ANKS6: variants seen among roughly 807,000 people sequenced by gnomAD.
ANKS6 encodes ankyrin repeat and sterile alpha motif domain containing 6, also known as ankyrin repeat and SAM domain-containing protein 6.
ANKS6 carries 47 observed loss-of-function variants against 77.9 expected under a neutral mutation model. The ratio of observed to expected loss-of-function variants is 0.60; its 90% CI spans 0.48 to 0.77. The LOEUF is 0.77. Ranked by LOEUF, ANKS6 falls within the 30% of genes least tolerant of loss-of-function variation. ANKS6 has a pLI of 0.00. For missense variants in ANKS6, 1,150 were observed against 1,159.1 expected, an observed-to-expected ratio of 0.99 and a Z score of 0.11; for synonymous variants, 488 against 501.7, an observed-to-expected ratio of 0.97 and a Z score of 0.37.
intron 6 of ANKS6, 149 bp downstream of exon 6, chr9:98,780,038 CTT>C (rs745604276): frequency 6.1e-5 from 67 of 1,105,840 alleles, no homozygotes; most frequent in Non-Finnish European, 8.1e-5. Context: ...TCCTGGTCCC[CTT>C]TGTTTCCTAT....
At chr9:98,787,595 CATCA>C (rs1199613956) in intron 2 of ANKS6, among the ~76,000 whole-genome samples, 1 of 152,192 alleles carries the variant, frequency 6.6e-6, no homozygotes, top group East Asian at 1.9e-4. Context: ...ATGAATGTAT[CATCA>C]ATCAAAACAT....
chr9:98,743,834 T>TA (rs1831972782), intron 14 of ANKS6, among the ~76,000 whole-genome samples: 1 of 152,250 alleles, frequency 6.6e-6, no homozygotes, highest in South Asian at 2.1e-4. Flanking sequence ...GCCTGAGACA[T>TA]AAAGGCTCTT....
At chr9:98,774,101 G>A (rs1021487379) in intron 8 of ANKS6, 21 bp from the exon 9 acceptor site, 4 of 1,434,500 alleles carry the variant, frequency 2.8e-6, no homozygotes, top group Non-Finnish European at 3.7e-6. Flanking sequence ...CAGGCTGAGG[G>A]TTAGACAAGC....
In ANKS6 at chr9:98,771,043, G is replaced by A; in HGVS notation, c.1825C>T (p.Pro609Ser). The A allele has an allele frequency of 6.4e-7, 1 of 1,561,384 alleles. No individual in the cohort carries two copies. Among genetic ancestry groups the A allele is most frequent in the South Asian group, 1.2e-5 (1 of 82,388 alleles). Reference sequence around the variant, plus strand: ...CTTGGAAATTTAACAGGCCTGACGGGTGTCTACAAGAATAAGGCAGGTGCA... The same window carrying A: ...CTTGGAAATTTAACAGGCCTGACGGATGTCTACAAGAATAAGGCAGGTGCA... Reference protein sequence around the residue: ...PVGGGGTDTTPVRPVKFPSLP... With the variant: ...PVGGGGTDTTSVRPVKFPSLP... Residue 609 changes from proline (P) to serine (S), a missense_variant, in exon 10 of 15, where the codon CCC becomes TCC. Transcript: ENST00000353234.
At chr9:98,736,712 T>C (rs1831520783) in intron 14 of ANKS6, 89 bp from the exon 15 acceptor site, 2 of 1,467,732 alleles carry the variant, frequency 1.4e-6, no homozygotes, top group Admixed American at 4.0e-5. Flanking sequence ...AATGTTCAAC[T>C]CATACTTCAA....
intron 12 of ANKS6, among the ~76,000 whole-genome samples, chr9:98,755,779 T>G (rs560654129): frequency 1.3e-5 from 2 of 152,224 alleles, no homozygotes; most frequent in African/African-American, 4.8e-5. Flanking sequence ...GACACAGAGA[T>G]AGTCAAGGGA....
intron 5 of ANKS6, among the ~76,000 whole-genome samples, chr9:98,781,208 T>C (rs1158877584): frequency 6.6e-6 from 1 of 152,188 alleles, no homozygotes; most frequent in Non-Finnish European, 1.5e-5. Flanking sequence ...GTTATTTCTT[T>C]TTTCTCTCCA....
chr9:98,781,034 G>A (rs1834221305), intron 5 of ANKS6, among the ~76,000 whole-genome samples: 1 of 151,754 alleles, frequency 6.6e-6, no homozygotes, highest in African/African-American at 2.4e-5. Context: ...CCATGTAGCT[G>A]GGGCTACAGT....
intron 11 of ANKS6, among the ~76,000 whole-genome samples, chr9:98,757,323 T>C (rs1832766927): frequency 6.6e-6 from 1 of 152,242 alleles, no homozygotes; most frequent in Non-Finnish European, 1.5e-5. Context: ...CCACACTGCA[T>C]GGAGCTGTGC....
At chr9:98,762,271 C>T (rs4742740) in intron 11 of ANKS6, among the ~76,000 whole-genome samples, 146,234 of 152,304 alleles carry the variant, frequency 0.96, 70,452 homozygotes, top group African/African-American at 0.99. Context: ...GATATTGACC[C>T]GTATTGTATC....
In ANKS6 at chr9:98,789,855, G is replaced by A. The variant is rs558111102; in HGVS notation, c.862+249C>T. The A allele has an allele frequency of 1.9e-5, 9 of 464,164 alleles. No homozygotes were observed. In the South Asian group the frequency reaches 3.6e-4, roughly 18 times the overall value. 28.8% of individuals were successfully genotyped at this position (464,164 alleles called of 1,614,324 possible). ...CATCAGAATGATGTGCTTGGGGAGA[G>A]CAGCCTTGTTATAGAGGCTTCCAGG... On this transcript the variant is annotated intron_variant, in intron 2 of 14. Coordinates refer to ENST00000353234, the MANE Select transcript of ANKS6 (RefSeq NM_173551.5).
intron 13 of ANKS6, among the ~76,000 whole-genome samples, chr9:98,748,339 G>A (rs1832254878): frequency 6.6e-6 from 1 of 152,214 alleles, no homozygotes; most frequent in Non-Finnish European, 1.5e-5. Context: ...GACTACTTGT[G>A]AAGGGGTAGC....
At position 98,782,584 on chromosome 9, in the gene ANKS6, A is replaced by T. The variant is rs369124077; in HGVS notation, c.1113-11T>A. The T allele has an allele frequency of 3.1e-6, 5 of 1,608,550 alleles. No individual in the cohort carries two copies. In the African/African-American group the frequency reaches 5.3e-5, roughly 17 times the overall value. ...ACAATTTCCTTATTCCTGGGAAAAA[A>T]TGCTAGAGTTACATTCACTGAAAGC... On this transcript the variant is annotated splice_polypyrimidine_tract_variant and intron_variant, in intron 4 of 14. Coordinates refer to ENST00000353234, the MANE Select transcript of ANKS6 (RefSeq NM_173551.5).
intron 12 of ANKS6, among the ~76,000 whole-genome samples, chr9:98,752,101 C>T (rs1048112663): frequency 3.9e-5 from 6 of 152,060 alleles, no homozygotes; most frequent in African/African-American, 7.2e-5. Flanking sequence ...CACAAACAAA[C>T]AAACAAACAA....
intron 7 of ANKS6, 134 bp from the exon 8 acceptor site, chr9:98,777,588 C>A: frequency 1.3e-6 from 1 of 756,902 alleles, no homozygotes; most frequent in Non-Finnish European, 2.2e-6. Context: ...AATTGGTATT[C>A]GATATTTTAA....
chr9:98,734,633 C>A lies in ANKS6; in HGVS notation c.*1886G>T, dbSNP rs1217114844. The A allele has an allele frequency of 2.1e-6, 2 of 959,144 alleles. No homozygotes were observed. Among genetic ancestry groups the A allele is most frequent in the Non-Finnish European group, 2.5e-6 (2 of 806,256 alleles). 59.4% of individuals were successfully genotyped at this position (959,144 alleles called of 1,614,324 possible). Reference sequence around the variant, plus strand: ...ACCAGGTCCGGTTCTGACCCCAGATCTGCTCCTTCTGGGCTGTTTAACTGG... The same window carrying A: ...ACCAGGTCCGGTTCTGACCCCAGATATGCTCCTTCTGGGCTGTTTAACTGG... On this transcript the variant is annotated 3_prime_UTR_variant, in exon 15 of 15. Coordinates refer to ENST00000353234, the MANE Select transcript of ANKS6 (RefSeq NM_173551.5).
intron 14 of ANKS6, among the ~76,000 whole-genome samples, chr9:98,740,052 A>G (rs1412804942): frequency 6.6e-6 from 1 of 152,156 alleles, no homozygotes; most frequent in African/African-American, 2.4e-5. Context: ...ATTAATAAAT[A>G]TGGTCAAAAT....
At chr9:98,793,878 G>A (rs781136057) in intron 1 of ANKS6, among the ~76,000 whole-genome samples, 2 of 149,474 alleles carry the variant, frequency 1.3e-5, no homozygotes, top group East Asian at 2.0e-4. Flanking sequence ...ATGCCCCAGC[G>A]CGGTGGCTCA....
chr9:98,784,846 T>C lies in ANKS6; in HGVS notation c.893A>G (p.His298Arg), dbSNP rs752544013. The C allele has an allele frequency of 3.1e-6, 5 of 1,613,348 alleles. No individual in the cohort carries two copies. The highest frequency in any genetic ancestry group is 3.4e-6 in the Non-Finnish European group (4 of 1,179,818). Residue 298 changes from histidine (H) to arginine (R), a missense_variant, in exon 3 of 15, where the codon CAT (histidine) becomes CGT (arginine). Physicochemically the swap from His to Arg is conservative, Grantham distance 29. Transcript: ENST00000353234. ...DEEKRRPDIF[H>R]ALKMGNFQLV... ...AAAGCGCTTACCCATTTTCAATGCATGGAAAATATCAGGTCGCCTTTTCTC... is the reference window on the plus strand; with the variant it reads ...AAAGCGCTTACCCATTTTCAATGCACGGAAAATATCAGGTCGCCTTTTCTC...
Sources: gnomAD v4.1 joint callset for allele counts (sites outside exome capture counted in the v4.1 genomes callset) on GRCh38, gnomAD v4.1.1 for gene constraint, MANE v1.5 for transcripts, NCBI Gene and HGNC (gene_info 2026-07-23, HGNC 2026-07-21) for gene names.